The following PDE1A variants were observed in gnomAD, a reference collection of about 807,000 sequenced individuals.
The protein encoded by PDE1A is dual specificity calcium/calmodulin-dependent 3',5'-cyclic nucleotide phosphodiesterase 1A.
In PDE1A, 35 loss-of-function variants were observed where a neutral mutation model predicts 61.7. The ratio of observed to expected loss-of-function variants is 0.57; its 90% CI spans 0.43 to 0.75. The LOEUF (loss-of-function observed/expected upper bound fraction) is 0.75, where lower values mean the gene tolerates loss of function less well. Ranked by LOEUF, PDE1A falls within the 30% of genes least tolerant of loss-of-function variation. The pLI is 0.00. For missense variants in PDE1A, 597 were observed against 630.6 expected (o/e 0.95, Z 0.57); for synonymous variants, 232 against 213.2 (o/e 1.09, Z -0.77).
chr2:182,658,994 A>G, the PDE1A span, among the ~76,000 whole-genome samples: 3 of 152,176 alleles, frequency 2.0e-5, no homozygotes, highest in Non-Finnish European at 4.4e-5. Flanking sequence ...GAATTGAAAG[A>G]AAAACTCATT....
intron 2 of PDE1A, among the ~76,000 whole-genome samples, chr2:182,505,445 T>C (rs978347019): frequency 6.6e-6 from 1 of 152,186 alleles, no homozygotes; most frequent in Non-Finnish European, 1.5e-5. Context: ...AAAAGTAATT[T>C]ACAGGAACAG....
chr2:182,388,137 T>C (rs1172061327), intron 1 of PDE1A, among the ~76,000 whole-genome samples: 1 of 152,136 alleles, frequency 6.6e-6, no homozygotes, highest in East Asian at 1.9e-4. Context: ...ACTATAATGG[T>C]TATAAATAGA....
chr2:182,670,378 C>T, the PDE1A span, among the ~76,000 whole-genome samples: 31 of 152,308 alleles, frequency 2.0e-4, no homozygotes, highest in East Asian at 6.0e-3. Flanking sequence ...AGCTCTACAA[C>T]AGGGCAAGTA....
chr2:182,190,242 G>A (rs1035691075), intron 10 of PDE1A, among the ~76,000 whole-genome samples: 4 of 152,112 alleles, frequency 2.6e-5, no homozygotes, highest in African/African-American at 7.2e-5. Context: ...TTACAAACAG[G>A]AACATTTCAC....
chr2:182,430,815 G>C, upstream of PDE1A, among the ~76,000 whole-genome samples: 1 of 129,592 alleles, frequency 7.7e-6, no homozygotes, highest in African/African-American at 2.7e-5. Context: ...TAGGGACATG[G>C]ATGAAATTGG....
chr2:182,591,949 T>C, the PDE1A span, among the ~76,000 whole-genome samples: 1 of 152,352 alleles, frequency 6.6e-6, no homozygotes, highest in South Asian at 2.1e-4. Context: ...AAGCAAGATA[T>C]GAGAGTGCTA....
intron 2 of PDE1A, among the ~76,000 whole-genome samples, chr2:182,488,970 G>A (rs1438378451): frequency 6.6e-6 from 1 of 152,144 alleles, no homozygotes; most frequent in Non-Finnish European, 1.5e-5. Context: ...TAATGGGCAT[G>A]GGCAATTAAG....
At chr2:182,610,776 G>A in the PDE1A span, among the ~76,000 whole-genome samples, 2 of 151,230 alleles carry the variant, frequency 1.3e-5, no homozygotes, top group Non-Finnish European at 3.0e-5. Context: ...AAAGAGAGAA[G>A]AAAATAAAAC....
At chr2:182,201,017 G>C (rs1283356806) in intron 10 of PDE1A, among the ~76,000 whole-genome samples, 3 of 152,066 alleles carry the variant, frequency 2.0e-5, no homozygotes, top group Non-Finnish European at 2.9e-5. Context: ...ATTTCAGTTA[G>C]GCATGTGTCC....
chr2:182,252,678 T>C (rs1422879129), intron 2 of PDE1A, among the ~76,000 whole-genome samples: 1 of 152,132 alleles, frequency 6.6e-6, no homozygotes, highest in Non-Finnish European at 1.5e-5. Context: ...ATGCCCCAGA[T>C]AAGTTTCCAG....
chr2:182,487,210 A>G (rs1413274855), intron 2 of PDE1A, among the ~76,000 whole-genome samples: 1 of 152,174 alleles, frequency 6.6e-6, no homozygotes, highest in Non-Finnish European at 1.5e-5. Flanking sequence ...TAAAACTACA[A>G]TGAGATACAA....
intron 2 of PDE1A, among the ~76,000 whole-genome samples, chr2:182,501,859 T>C (rs773942540): frequency 1.3e-5 from 2 of 152,148 alleles, no homozygotes; most frequent in Non-Finnish European, 2.9e-5. Flanking sequence ...GCTCCAGTTT[T>C]CCCTCTCTTC....
the PDE1A span, among the ~76,000 whole-genome samples, chr2:182,679,039 C>CT: frequency 7.3e-6 from 1 of 137,156 alleles, no homozygotes; most frequent in Non-Finnish European, 1.5e-5. Flanking sequence ...GAGTCTCACT[C>CT]TGTCACCTAG....
chr2:182,224,729 A>G (rs1689002116), intron 6 of PDE1A, among the ~76,000 whole-genome samples: 1 of 151,922 alleles, frequency 6.6e-6, no homozygotes, highest in African/African-American at 2.4e-5. Flanking sequence ...ACCACATGTG[A>G]CTGTTTAAGT....
chr2:182,480,807 C>T (rs1687655547), intron 2 of PDE1A, among the ~76,000 whole-genome samples: 1 of 151,888 alleles, frequency 6.6e-6, no homozygotes, highest in Non-Finnish European at 1.5e-5. Context: ...ACACTCCCAC[C>T]TACTAAAAAG....
chr2:182,522,323 A>T lies in PDE1A; in HGVS notation c.54T>A (p.Tyr18Ter). ...TTTTTTCAGTCTGTTCTCCTGTAAG[A>T]TACTTAAAAGTGGTGTTTTCCAATT... Residue 18 changes from tyrosine (Y) to a stop codon, truncating the protein, a stop_gained, in exon 2 of 15, where the codon TAT becomes TAA. Coordinates refer to the PDE1A transcript ENST00000410103. LOFTEE classifies it high-confidence loss of function. The T allele has an allele frequency of 1.2e-6, 2 of 1,613,726 alleles. No individual in the cohort carries two copies. The highest frequency in any genetic ancestry group is 8.5e-7 in the Non-Finnish European group (1 of 1,179,702).
chr2:182,476,660 G>A (rs1687385157), intron 2 of PDE1A, among the ~76,000 whole-genome samples: 1 of 151,832 alleles, frequency 6.6e-6, no homozygotes, highest in African/African-American at 2.4e-5. Flanking sequence ...TTGCAGGATA[G>A]CAAAAGTAGA....
intron 10 of PDE1A, among the ~76,000 whole-genome samples, chr2:182,192,638 C>T (rs1032153155): frequency 1.3e-5 from 2 of 152,042 alleles, no homozygotes; most frequent in African/African-American, 4.8e-5. Context: ...TTAGAGGTTT[C>T]GCTGTCATTT....
intron 1 of PDE1A, among the ~76,000 whole-genome samples, chr2:182,338,136 T>C (rs1270677582): frequency 2.0e-5 from 3 of 152,154 alleles, no homozygotes; most frequent in Non-Finnish European, 4.4e-5. Flanking sequence ...TTTGGATCCA[T>C]TGAGTTCATC....
Sources: gnomAD v4.1 joint callset for allele counts (sites outside exome capture counted in the v4.1 genomes callset) on GRCh38, gnomAD v4.1.1 for gene constraint, MANE v1.5 for transcripts, NCBI Gene and HGNC (gene_info 2026-07-23, HGNC 2026-07-21) for gene names.